Variants in NCK2 observed in about 807,000 individuals in gnomAD.
NCK2 encodes the protein NCK adaptor protein 2.
In NCK2, 16 loss-of-function variants were observed where a neutral mutation model predicts 33.9. The ratio of observed to expected loss-of-function variants is 0.47; its 90% CI spans 0.32 to 0.72. The LOEUF (loss-of-function observed/expected upper bound fraction) is 0.72, where lower values mean the gene tolerates loss of function less well. Among genes scored for constraint, NCK2 ranks in the 30% least tolerant of loss-of-function variants. The pLI, the probability that NCK2 is intolerant of heterozygous loss-of-function variation, is 0.03. For missense variants in NCK2, 418 were observed against 537.3 expected (o/e 0.78, Z 2.19); for synonymous variants, 273 against 239.9 (o/e 1.14, Z -1.27).
intron 3 of NCK2, among the ~76,000 whole-genome samples, chr2:105,861,560 G>A (rs1022140058): frequency 6.8e-6 from 1 of 147,442 alleles, no homozygotes; most frequent in African/African-American, 2.5e-5. Flanking sequence ...TGTCACCTAG[G>A]CTGGAGTGCA....
At chr2:105,773,928 T>C (rs1290215799) in intron 1 of NCK2, among the ~76,000 whole-genome samples, 1 of 152,118 alleles carries the variant, frequency 6.6e-6, no homozygotes, top group Non-Finnish European at 1.5e-5. Context: ...AAACCCTCTG[T>C]TTATAAGAAA....
chr2:105,879,204 T>C (rs1377951877), intron 3 of NCK2, among the ~76,000 whole-genome samples: 2 of 152,266 alleles, frequency 1.3e-5, no homozygotes, highest in African/African-American at 4.8e-5. Flanking sequence ...TAAAAGTTTA[T>C]TGTTCAATGT....
intron 1 of NCK2, among the ~76,000 whole-genome samples, chr2:105,765,786 G>GTGT (rs1553451275): frequency 2.2e-3 from 322 of 147,330 alleles, no homozygotes; most frequent in African/African-American, 3.5e-3. Flanking sequence ...TAGAATAGGG[G>GTGT]GTGTGTGTGT....
At position 105,855,293 on chromosome 2, in the gene NCK2, A is replaced by G; in HGVS notation, c.226+4A>G. On this transcript the variant is annotated splice_donor_region_variant and intron_variant, in intron 3 of 4. Transcript: ENST00000233154. ...AAGAACCTGAAGGACACACTAGGTG[A>G]GTGTTTCACCCTCGAGAGAGGAAGC... is the stretch of plus-strand genomic sequence containing the variant. 6.3e-6 allele frequency: 10 copies of G among 1,587,470 alleles called. No homozygotes were observed. The highest frequency in any genetic ancestry group is 1.3e-5 in the African/African-American group (1 of 74,552).
intron 2 of NCK2, among the ~76,000 whole-genome samples, chr2:105,825,768 G>T (rs1431388626): frequency 6.6e-6 from 1 of 152,156 alleles, no homozygotes; most frequent in Non-Finnish European, 1.5e-5. Context: ...TTTACAGAAG[G>T]CAGTAAATAT....
intron 1 of NCK2, among the ~76,000 whole-genome samples, chr2:105,793,240 C>T (rs749420938): frequency 2.6e-5 from 4 of 151,570 alleles, no homozygotes; most frequent in Non-Finnish European, 4.4e-5. Context: ...GGGTGGAGAA[C>T]TTCTGGAAAC....
At chr2:105,798,075 A>G (rs1691150844) in intron 1 of NCK2, among the ~76,000 whole-genome samples, 2 of 152,206 alleles carry the variant, frequency 1.3e-5, no homozygotes. Flanking sequence ...TCAATATTAA[A>G]TCATCCCCTA....
chr2:105,877,305 A>G (rs1302183157), intron 3 of NCK2, among the ~76,000 whole-genome samples: 10 of 152,016 alleles, frequency 6.6e-5, no homozygotes, highest in Admixed American at 2.6e-4. Flanking sequence ...TTAAATCTTC[A>G]TATGCCAGCA....
At chr2:105,789,070 T>C (rs1573594535) in intron 1 of NCK2, among the ~76,000 whole-genome samples, 1 of 152,108 alleles carries the variant, frequency 6.6e-6, no homozygotes, top group Admixed American at 6.6e-5. Context: ...GCTCAGAGGG[T>C]TCCAGCGCCC....
chr2:105,750,677 T>C (rs1161524769), intron 1 of NCK2, among the ~76,000 whole-genome samples: 2 of 152,248 alleles, frequency 1.3e-5, no homozygotes, highest in South Asian at 2.1e-4. Context: ...AGTAGAGTGA[T>C]TGAAGAGAGA....
chr2:105,873,201 C>G (rs1678084255), intron 3 of NCK2, among the ~76,000 whole-genome samples: 1 of 152,212 alleles, frequency 6.6e-6, no homozygotes, highest in Admixed American at 6.5e-5. Context: ...TTGACCTTGT[C>G]TGAAATCGAT....
chr2:105,890,061 A>G (rs1446213582), intron 4 of NCK2, among the ~76,000 whole-genome samples: 2 of 152,202 alleles, frequency 1.3e-5, no homozygotes, highest in Non-Finnish European at 2.9e-5. Flanking sequence ...TTTCCTACAG[A>G]AAATCTACTT....
chr2:105,787,565 G>A (rs537938777), intron 1 of NCK2, among the ~76,000 whole-genome samples: 15 of 152,218 alleles, frequency 9.9e-5, no homozygotes, highest in South Asian at 2.1e-4. Context: ...CCAGAGCTGC[G>A]AGAAATGAAT....
chr2:105,781,157 C>T (rs998624008), intron 1 of NCK2, among the ~76,000 whole-genome samples: 1 of 152,348 alleles, frequency 6.6e-6, no homozygotes, highest in Middle Eastern at 3.4e-3. Context: ...CTATTAGCTT[C>T]CCATTTCCTA....
chr2:105,814,679 T>C (rs1003130960), intron 1 of NCK2, among the ~76,000 whole-genome samples: 1 of 152,202 alleles, frequency 6.6e-6, no homozygotes, highest in African/African-American at 2.4e-5. Context: ...TTCCTCACTC[T>C]CCAGTCGGTT....
intron 1 of NCK2, among the ~76,000 whole-genome samples, chr2:105,751,278 C>T (rs1292463672): frequency 6.6e-6 from 1 of 152,190 alleles, no homozygotes; most frequent in African/African-American, 2.4e-5. Flanking sequence ...TTATCAACCC[C>T]TATTGATTCT....
In NCK2 at chr2:105,881,917, C is replaced by G; in HGVS notation, c.816C>G (p.Thr272=). Residue 272 remains threonine (T), a synonymous_variant, in exon 4 of 5, where the codon ACC becomes ACG. Transcript: ENST00000233154. ...HPAHAPQISY[T]GPSSSGRFAG... ...CGCACGCCCCACAGATAAGCTACAC[C>G]GGGCCCTCGTCCAGCGGGCGCTTCG... The G allele has an allele frequency of 6.4e-7, 1 of 1,565,306 alleles. No individual in the cohort carries two copies. Among genetic ancestry groups the G allele is most frequent in the Middle Eastern group, 1.7e-4 (1 of 5,824 alleles).
intron 1 of NCK2, among the ~76,000 whole-genome samples, chr2:105,795,755 T>A (rs1691061363): frequency 2.0e-5 from 3 of 152,192 alleles, no homozygotes. Context: ...ATGCCCCTGG[T>A]GAGAAACACT....
Position 105,881,455 on chromosome 2 carries a change from C to G in NCK2, c.354C>G (p.Val118=). 6.2e-7 allele frequency: 1 copy of G among 1,613,810 alleles called. No homozygotes were observed. The highest frequency in any genetic ancestry group is 8.5e-7 in the Non-Finnish European group (1 of 1,179,998). ...RIYDLNIPAF[V]KFAYVAERED... ...ACGACCTCAACATCCCGGCCTTCGTCAAGTTCGCCTATGTGGCCGAGCGGG... is the reference window on the plus strand; with the variant it reads ...ACGACCTCAACATCCCGGCCTTCGTGAAGTTCGCCTATGTGGCCGAGCGGG... The change falls in exon 4 of 5, where the codon GTC becomes GTG. Residue 118 remains valine (V), a synonymous_variant. Coordinates refer to ENST00000233154, the MANE Select transcript of NCK2 (RefSeq NM_003581.5).
Sources: allele counts gnomAD v4.1 joint callset (sites outside exome capture counted in the v4.1 genomes callset), GRCh38; gene constraint gnomAD v4.1.1; transcripts MANE v1.5; gene names NCBI Gene and HGNC (gene_info 2026-07-23, HGNC 2026-07-21).